The following DISC1 variants were observed in gnomAD, a reference collection of about 807,000 sequenced individuals.
The protein encoded by DISC1 is DISC1 scaffold protein, also known as disrupted in schizophrenia 1 protein.
Under a neutral mutation model 84.5 loss-of-function variants are expected in DISC1, and 57 were observed. That is an observed-to-expected ratio of 0.67 (90% CI 0.55 to 0.84). DISC1 has a LOEUF of 0.84. DISC1 is among the 40% of genes least tolerant of loss of function. The pLI is 0.00. For synonymous variants in DISC1, 411 were observed against 415.2 expected (o/e 0.99, Z 0.12); for missense variants, 1,000 against 1,057.8 (o/e 0.95, Z 0.76).
chr1:231,854,660 G>A (rs113156355), intron 9 of DISC1: 322 of 161,456 alleles, frequency 2.0e-3, no homozygotes, highest in Non-Finnish European at 3.7e-3. Flanking sequence ...GTGGTGTGTA[G>A]TGTATCACCC....
chr1:231,710,404 T>A (rs201746264), intron 3 of DISC1, among the ~76,000 whole-genome samples: 2 of 152,148 alleles, frequency 1.3e-5, no homozygotes, highest in Non-Finnish European at 2.9e-5. Context: ...GATGTGCTAA[T>A]GATGAGATGC....
chr1:231,670,935 C>T (rs909442183), intron 1 of DISC1, among the ~76,000 whole-genome samples: 1 of 152,196 alleles, frequency 6.6e-6, no homozygotes, highest in South Asian at 2.1e-4. Context: ...TTTATAATGT[C>T]TGCCAACCTG....
At chr1:231,850,206 G>T (rs902686866) in intron 9 of DISC1, among the ~76,000 whole-genome samples, 5 of 152,234 alleles carry the variant, frequency 3.3e-5, no homozygotes, top group Non-Finnish European at 7.3e-5. Context: ...GGGGTCCCTG[G>T]ATGATGGGGG....
rs181268410 is a variant in DISC1 at position 231,685,708 on chromosome 1, C to T, written c.68-8118C>T. Among the ~76,000 whole-genome samples the T allele has an allele frequency of 3.6e-3, 541 of 152,260 alleles. 1 individual carries two copies. Among genetic ancestry groups the T allele is most frequent in the African/African-American group, 0.012 (510 of 41,554 alleles). On this transcript the variant is annotated intron_variant, in intron 1 of 12. Transcript: ENST00000439617. The stretch of plus-strand genomic sequence containing the variant: ...CCTCGTGATCTGCCTGCCTCGGCCT[C>T]CCAAAGAGCTGGGATTACAGGCATA...
intron 4 of DISC1, among the ~76,000 whole-genome samples, chr1:231,763,633 T>C (rs1044618802): frequency 6.6e-6 from 1 of 152,238 alleles, no homozygotes; most frequent in Non-Finnish European, 1.5e-5. Context: ...CCTGCTTCAT[T>C]GCACCATGGT....
intron 3 of DISC1, among the ~76,000 whole-genome samples, chr1:231,735,001 T>C (rs1289714417): frequency 6.6e-6 from 1 of 152,160 alleles, no homozygotes; most frequent in Non-Finnish European, 1.5e-5. Context: ...TATGCAGAAA[T>C]CAAAGAGTAG....
chr1:231,805,173 CT>C (rs983342223), intron 8 of DISC1, among the ~76,000 whole-genome samples: 2 of 152,228 alleles, frequency 1.3e-5, no homozygotes, highest in Admixed American at 1.3e-4. Context: ...TTAGTCACCT[CT>C]TTTTTTCCAT....
chr1:231,877,437 A>G (rs1574372604), intron 9 of DISC1, among the ~76,000 whole-genome samples: 1 of 152,234 alleles, frequency 6.6e-6, no homozygotes, highest in African/African-American at 2.4e-5. Context: ...AAAAGTCAAG[A>G]TACACGCATT....
intron 9 of DISC1, chr1:231,819,331 A>C (rs183426320): frequency 3.2e-5 from 7 of 215,906 alleles, no homozygotes; most frequent in Admixed American, 6.5e-5. Context: ...AATACTCCGT[A>C]AATTGAAGTA....
chr1:231,679,660 AC>A (rs1384166986), intron 1 of DISC1, among the ~76,000 whole-genome samples: 2 of 152,232 alleles, frequency 1.3e-5, no homozygotes, highest in African/African-American at 4.8e-5. Flanking sequence ...GAGAGGCATT[AC>A]AGAGGCAAGA....
At chr1:231,931,803 C>T (rs2090676848) in intron 9 of DISC1, among the ~76,000 whole-genome samples, 1 of 152,024 alleles carries the variant, frequency 6.6e-6, no homozygotes, top group Non-Finnish European at 1.5e-5. Flanking sequence ...CGTGTGCTAC[C>T]ATGCCAGATA....
In DISC1 at chr1:231,876,610, C is replaced by T. The variant is rs186960694; in HGVS notation, c.1981+58093C>T. On this transcript the variant is annotated intron_variant, in intron 9 of 12. Coordinates refer to ENST00000439617, the MANE Select transcript of DISC1 (RefSeq NM_018662.3). The stretch of plus-strand genomic sequence containing the variant: ...AGAAATGGTGTAATTGCCACTGACC[C>T]GTGATAGTTGCAATCTGGGTTTTAA... 4.5e-4 allele frequency among the ~76,000 whole-genome samples: 68 copies of T among 152,250 alleles called. No homozygotes were observed. In the Middle Eastern group the frequency reaches 0.017, roughly 38 times the overall value.
intron 9 of DISC1, among the ~76,000 whole-genome samples, chr1:231,946,806 C>T (rs1331047883): frequency 6.6e-6 from 1 of 152,152 alleles, no homozygotes; most frequent in African/African-American, 2.4e-5. Context: ...TTCCCATACA[C>T]CAATAACAGA....
chr1:231,910,796 T>C (rs1275763845), intron 9 of DISC1, among the ~76,000 whole-genome samples: 1 of 152,148 alleles, frequency 6.6e-6, no homozygotes, highest in Non-Finnish European at 1.5e-5. Context: ...CCCATTATTA[T>C]TGTGTGGGAA....
chr1:231,833,910 A>G (rs189641377), intron 9 of DISC1, among the ~76,000 whole-genome samples: 315 of 152,270 alleles, frequency 2.1e-3, no homozygotes, highest in Non-Finnish European at 3.5e-3. Context: ...TTGGAGTTTT[A>G]TTTAATGTCC....
At chr1:231,774,889 A>T (rs2076844463) in intron 6 of DISC1, 1 of 383,488 alleles carries the variant, frequency 2.6e-6, no homozygotes, top group Non-Finnish European at 5.2e-6. Flanking sequence ...TTTTGCTATG[A>T]AGTATTGGTT....
intron 9 of DISC1, among the ~76,000 whole-genome samples, chr1:231,852,575 A>G (rs988717986): frequency 6.6e-6 from 1 of 152,260 alleles, no homozygotes; most frequent in African/African-American, 2.4e-5. Context: ...TTTGGGGCAC[A>G]TGCGCACCTG....
chr1:231,658,074 A>G (rs2061278637), intron 1 of DISC1, among the ~76,000 whole-genome samples: 1 of 152,220 alleles, frequency 6.6e-6, no homozygotes, highest in African/African-American at 2.4e-5. Flanking sequence ...TTTGGGCAGT[A>G]TGGCTATTTT....
At position 232,009,015 on chromosome 1, in the gene DISC1, CCT is replaced by C. The variant is rs1558833013; in HGVS notation, c.2278_2279del (p.Leu760AlafsTer6). On this transcript the variant is annotated frameshift_variant, in exon 11 of 13. Coordinates refer to ENST00000439617, the MANE Select transcript of DISC1 (RefSeq NM_018662.3). LOFTEE classifies it high-confidence loss of function. The surrounding 1 kb of genome is among the most constrained non-coding windows in gnomAD (Gnocchi z 4.6). The stretch of plus-strand genomic sequence containing the variant: ...GAAGAATGGAAGACTCACCTCATCC[CCT>C]CTCTGCACTGTGCTGGAGGTGAACA... 1 of 1,613,880 alleles carries C rather than the reference CCT, an allele frequency of 6.2e-7. No homozygotes were observed. The highest frequency in any genetic ancestry group is 1.1e-5 in the South Asian group (1 of 91,082).
Sources: allele counts gnomAD v4.1 joint callset (sites outside exome capture counted in the v4.1 genomes callset), GRCh38; gene constraint gnomAD v4.1.1; non-coding constraint Gnocchi (gnomAD v3.1); transcripts MANE v1.5; gene names NCBI Gene and HGNC (gene_info 2026-07-23, HGNC 2026-07-21).